TRAPPC9: variants seen among roughly 807,000 people sequenced by gnomAD.
TRAPPC9 encodes the protein trafficking protein particle complex subunit 9.
Under a neutral mutation model 124.0 loss-of-function variants are expected in TRAPPC9, and 83 were observed. That is an observed-to-expected ratio of 0.67 (90% CI 0.56 to 0.80). The LOEUF is 0.80. Ranked by LOEUF, TRAPPC9 falls within the 30% of genes least tolerant of loss-of-function variation. The pLI is 0.00. For missense variants in TRAPPC9, 1,302 were observed against 1,508.3 expected (o/e 0.86, Z 2.27); for synonymous variants, 638 against 617.5 (o/e 1.03, Z -0.49).
At chr8:140,341,739 A>T (rs2067201017) in intron 9 of TRAPPC9, among the ~76,000 whole-genome samples, 1 of 151,884 alleles carries the variant, frequency 6.6e-6, no homozygotes, top group Admixed American at 6.6e-5. Flanking sequence ...GTGTCAAGGA[A>T]AGGGGCTGGA....
chr8:140,247,530 C>G (rs759263121), intron 16 of TRAPPC9, among the ~76,000 whole-genome samples: 1 of 151,978 alleles, frequency 6.6e-6, no homozygotes, highest in African/African-American at 2.4e-5. Flanking sequence ...CTCATGTATA[C>G]AGTGTACCCA....
chr8:140,386,914 C>G (rs2068769080), intron 7 of TRAPPC9, among the ~76,000 whole-genome samples: 1 of 152,200 alleles, frequency 6.6e-6, no homozygotes, highest in Non-Finnish European at 1.5e-5. Context: ...TGACTTCAAA[C>G]TATACTACAA....
Position 139,737,468 on chromosome 8 carries a change from C to CCCCA in TRAPPC9, c.3056-5267_3056-5266insTGGG, listed in dbSNP as rs1818265297. ...CTTCAGGCGGGGGTCATCAGCCCTC[C>CCCCA]CCCCCCCCCCACGGAAAACCCTGAG... On this transcript the variant is annotated intron_variant, in intron 21 of 22. Coordinates refer to ENST00000438773, the MANE Select transcript of TRAPPC9 (RefSeq NM_001160372.4). Among the ~76,000 whole-genome samples, 2 of 87,838 alleles carry CCCCA rather than the reference C, an allele frequency of 2.3e-5. 1 individual carries two copies. The highest frequency in any genetic ancestry group is 9.4e-4 in the East Asian group (2 of 2,136). 57.6% of individuals were successfully genotyped at this position (87,838 alleles called of 152,430 possible). A position where few individuals can be genotyped will look rare whatever the true frequency, so the allele number is the denominator to read the frequency against.
intron 22 of TRAPPC9, 137 bp from the exon 23 acceptor site, chr8:139,731,365 C>G (rs2129926087): frequency 1.0e-6 from 1 of 971,236 alleles, no homozygotes; most frequent in Non-Finnish European, 1.6e-6. Flanking sequence ...TCCAGTGCCC[C>G]CTCCAGCAGG....
intron 21 of TRAPPC9, among the ~76,000 whole-genome samples, chr8:139,767,513 G>A (rs1820660283): frequency 6.6e-6 from 1 of 152,212 alleles, no homozygotes; most frequent in Admixed American, 6.5e-5. Context: ...GGGTGAGACG[G>A]ATCCAGGAGG....
chr8:140,334,372 C>G (rs369710603), intron 9 of TRAPPC9, among the ~76,000 whole-genome samples: 3 of 151,600 alleles, frequency 2.0e-5, no homozygotes, highest in South Asian at 4.1e-4. Context: ...TTCCATGGCT[C>G]GGCAAGGTGG....
chr8:140,242,136 CAGAGAGAGAGAG>C (rs36214777), intron 16 of TRAPPC9, among the ~76,000 whole-genome samples: 4 of 146,260 alleles, frequency 2.7e-5, no homozygotes, highest in South Asian at 4.4e-4. Context: ...AAGAGGCAGA[CAGAGAGAGAGAG>C]AGAGAGAGAG....
chr8:139,963,749 C>CAAAAAAAAAAA (rs58224556), intron 19 of TRAPPC9, among the ~76,000 whole-genome samples: 8 of 107,352 alleles, frequency 7.5e-5, no homozygotes, highest in Admixed American at 9.9e-5. Flanking sequence ...CCAGTTCTAC[C>CAAAAAAAAAAA]AAAAAAAAAA....
chr8:140,169,327 G>A (rs1034021255), intron 17 of TRAPPC9, among the ~76,000 whole-genome samples: 9 of 152,136 alleles, frequency 5.9e-5, no homozygotes, highest in Non-Finnish European at 1.2e-4. Context: ...GAACCCTCGC[G>A]CATGACTGGC....
intron 19 of TRAPPC9, chr8:139,933,809 CCAGAT>C (rs1161529772): frequency 6.6e-6 from 1 of 152,236 alleles, no homozygotes; most frequent in Non-Finnish European, 1.5e-5. Context: ...GCTATGGATT[CCAGAT>C]CCACCTTACG....
intron 17 of TRAPPC9, among the ~76,000 whole-genome samples, chr8:140,123,821 T>C (rs576562651): frequency 1.3e-5 from 2 of 152,348 alleles, no homozygotes; most frequent in East Asian, 3.9e-4. Flanking sequence ...ATCTGATGAA[T>C]GAATGGAAGT....
chr8:140,438,914 T>G, intron 3 of TRAPPC9, 138 bp downstream of exon 3: 1 of 1,008,784 alleles, frequency 9.9e-7, no homozygotes, highest in Non-Finnish European at 1.5e-6. Flanking sequence ...ATGGTCTCAA[T>G]CTCTTGACCT....
At chr8:140,011,735 T>C (rs1839149961) in intron 18 of TRAPPC9, among the ~76,000 whole-genome samples, 1 of 140,970 alleles carries the variant, frequency 7.1e-6, no homozygotes, top group East Asian at 2.2e-4. Context: ...TGGAGTGCAA[T>C]GGCACGATCT....
intron 17 of TRAPPC9, among the ~76,000 whole-genome samples, chr8:140,139,188 G>GT (rs371143283): frequency 5.3e-5 from 8 of 152,256 alleles, no homozygotes; most frequent in African/African-American, 1.9e-4. Context: ...GCAAGTCAGG[G>GT]AATGGTGGGT....
intron 21 of TRAPPC9, among the ~76,000 whole-genome samples, chr8:139,810,557 A>T (rs1156306088): frequency 6.6e-6 from 1 of 152,148 alleles, no homozygotes; most frequent in Non-Finnish European, 1.5e-5. Context: ...AACTTCTACC[A>T]GCACACCACT....
chr8:139,916,061 T>C (rs1832110102), intron 19 of TRAPPC9, among the ~76,000 whole-genome samples: 1 of 152,170 alleles, frequency 6.6e-6, no homozygotes, highest in Admixed American at 6.5e-5. Flanking sequence ...GGGGAGCTTA[T>C]ATTTAGGTCA....
intron 21 of TRAPPC9, among the ~76,000 whole-genome samples, chr8:139,800,793 G>A (rs533321087): frequency 2.1e-4 from 18 of 86,006 alleles, no homozygotes; most frequent in African/African-American, 5.8e-4. Context: ...CCTTCCCTCC[G>A]TCCGGTATCT....
chr8:139,900,268 T>A (rs1156428273), intron 20 of TRAPPC9, among the ~76,000 whole-genome samples: 2 of 152,236 alleles, frequency 1.3e-5, no homozygotes, highest in Admixed American at 1.3e-4. Flanking sequence ...GCTTCCCCTG[T>A]GCCTGGAGCA....
At chr8:140,237,909 G>C (rs2063762362) in intron 16 of TRAPPC9, among the ~76,000 whole-genome samples, 1 of 152,214 alleles carries the variant, frequency 6.6e-6, no homozygotes, top group Non-Finnish European at 1.5e-5. Context: ...GCCTGAATCA[G>C]AGCAGTGACG....
Sources: allele counts gnomAD v4.1 joint callset (sites outside exome capture counted in the v4.1 genomes callset), GRCh38; gene constraint gnomAD v4.1.1; transcripts MANE v1.5; gene names NCBI Gene and HGNC (gene_info 2026-07-23, HGNC 2026-07-21).